The following CAST variants were observed in gnomAD, a reference collection of about 807,000 sequenced individuals.
The protein encoded by CAST is calpastatin.
A neutral mutation model predicts 119.6 loss-of-function variants in CAST; 76 were observed. The observed-to-expected ratio is 0.64, with a 90% CI of 0.53 to 0.77. The LOEUF (loss-of-function observed/expected upper bound fraction) is 0.77, where lower values mean the gene tolerates loss of function less well. Ranked by LOEUF, CAST falls within the 30% of genes least tolerant of loss-of-function variation. The probability of loss-of-function intolerance (pLI) is 0.00; values close to 1 mark genes in which losing one functional copy is unlikely to be tolerated. For synonymous variants in CAST, 319 were observed against 331.6 expected (o/e 0.96, Z 0.41); for missense variants, 953 against 946.5 (o/e 1.01, Z -0.09).
chr5:96,113,127 C>A, the CAST span, among the ~76,000 whole-genome samples: 1 of 152,186 alleles, frequency 6.6e-6, no homozygotes, highest in Non-Finnish European at 1.5e-5. Flanking sequence ...TCTACATTGA[C>A]AGCATGCTTC....
chr5:96,423,588 A>G, the CAST span: 5 of 809,344 alleles, frequency 6.2e-6, no homozygotes, highest in Non-Finnish European at 1.0e-5. Context: ...GAAGAAGCCA[A>G]TTCAGTGAAA....
At chr5:96,045,435 T>C in the CAST span, among the ~76,000 whole-genome samples, 10 of 152,116 alleles carry the variant, frequency 6.6e-5, no homozygotes, top group African/African-American at 2.2e-4. Context: ...TGTATGCATG[T>C]TATACTTAAT....
the CAST span, among the ~76,000 whole-genome samples, chr5:96,281,054 T>G: frequency 6.6e-6 from 1 of 152,236 alleles, no homozygotes; most frequent in Non-Finnish European, 1.5e-5. Context: ...AGTTTAGACC[T>G]CTCTGTCTCT....
At chr5:96,349,533 CTT>C in the CAST span, among the ~76,000 whole-genome samples, 1 of 152,092 alleles carries the variant, frequency 6.6e-6, no homozygotes, top group Non-Finnish European at 1.5e-5. Context: ...ATTAAAAACT[CTT>C]TGGCGTCAGC....
the CAST span, among the ~76,000 whole-genome samples, chr5:95,992,314 TA>T: frequency 3.3e-5 from 5 of 151,872 alleles, no homozygotes; most frequent in African/African-American, 1.2e-4. Flanking sequence ...AGCAAGCATA[TA>T]AAAAAGAAAT....
At chr5:96,126,446 C>T in the CAST span, among the ~76,000 whole-genome samples, 1 of 152,000 alleles carries the variant, frequency 6.6e-6, no homozygotes, top group Non-Finnish European at 1.5e-5. Flanking sequence ...AGTCATTGTT[C>T]CATCTTAGGA....
intron 1 of CAST, among the ~76,000 whole-genome samples, chr5:96,550,338 A>C (rs923041707): frequency 8.5e-5 from 13 of 152,362 alleles, no homozygotes; most frequent in African/African-American, 2.9e-4. Context: ...TGTTAGAAGG[A>C]AAACTAACAA....
intron 1 of CAST, among the ~76,000 whole-genome samples, chr5:96,550,499 C>T (rs763435306): frequency 3.9e-5 from 6 of 152,154 alleles, no homozygotes; most frequent in Non-Finnish European, 8.8e-5. Context: ...AACCAGAACG[C>T]CTCTTCTCCT....
At chr5:96,185,353 T>C in the CAST span, among the ~76,000 whole-genome samples, 65 of 152,330 alleles carry the variant, frequency 4.3e-4, no homozygotes, top group Admixed American at 4.2e-3. Context: ...TTTAGTTGAT[T>C]TGTATCCCAT....
the CAST span, among the ~76,000 whole-genome samples, chr5:95,977,714 C>A: frequency 4.0e-5 from 6 of 151,784 alleles, no homozygotes; most frequent in African/African-American, 1.5e-4. Context: ...AAACTCATGT[C>A]ATGGGGGTTT....
chr5:96,677,062 A>G (rs1750805208), intron 2 of CAST, among the ~76,000 whole-genome samples: 1 of 152,008 alleles, frequency 6.6e-6, no homozygotes, highest in Non-Finnish European at 1.5e-5. Flanking sequence ...AGAAAAGAAA[A>G]GAAAATCCAC....
chr5:96,126,376 ACT>A, the CAST span, among the ~76,000 whole-genome samples: 1 of 151,860 alleles, frequency 6.6e-6, no homozygotes, highest in Non-Finnish European at 1.5e-5. Context: ...CTTTTGAATA[ACT>A]CTTGGGAAAA....
the CAST span, among the ~76,000 whole-genome samples, chr5:95,988,310 T>A: frequency 6.6e-6 from 1 of 152,140 alleles, no homozygotes; most frequent in African/African-American, 2.4e-5. Flanking sequence ...AAGTGGAACA[T>A]TAACTTCTTT....
chr5:96,410,863 G>A, the CAST span: 1 of 1,614,050 alleles, frequency 6.2e-7, no homozygotes. Flanking sequence ...AGGCCTTGCT[G>A]GGAGGCACTG....
Position 96,628,054 on chromosome 5 carries a change from G to A in CAST, c.61-47485G>A, listed in dbSNP as rs866690124. The stretch of plus-strand genomic sequence containing the variant: ...CTCTCTTATACAAACATTTAGAAAG[G>A]AAATACAGTAAATCCTTTTAAATAT... On this transcript the variant is annotated intron_variant, in intron 1 of 11. Transcript: ENST00000505143. Among the ~76,000 whole-genome samples, 4 of 152,296 alleles carry A rather than the reference G, an allele frequency of 2.6e-5. No individual in the cohort carries two copies. In the South Asian group the frequency reaches 6.2e-4, roughly 24 times the overall value.
the CAST span, among the ~76,000 whole-genome samples, chr5:96,291,755 C>G: frequency 6.6e-6 from 1 of 151,882 alleles, no homozygotes; most frequent in East Asian, 1.9e-4. Flanking sequence ...TGCTTTCTCT[C>G]CAGGAGTCAT....
At chr5:96,343,217 C>T in the CAST span, among the ~76,000 whole-genome samples, 2 of 151,816 alleles carry the variant, frequency 1.3e-5, no homozygotes, top group South Asian at 2.1e-4. Flanking sequence ...TTAGGGGGTA[C>T]ACAAGATAAA....
chr5:96,654,735 G>C (rs1397074846), intron 1 of CAST, among the ~76,000 whole-genome samples: 2 of 152,148 alleles, frequency 1.3e-5, no homozygotes, highest in African/African-American at 4.8e-5. Context: ...GGATTTTCAA[G>C]AATATTGCAA....
chr5:96,337,966 CTT>C, the CAST span, among the ~76,000 whole-genome samples: 5 of 151,996 alleles, frequency 3.3e-5, no homozygotes, highest in African/African-American at 4.8e-5. Flanking sequence ...CTAAGGAAAA[CTT>C]TTAATTTTTT....
Sources: allele counts gnomAD v4.1 joint callset (sites outside exome capture counted in the v4.1 genomes callset), GRCh38; gene constraint gnomAD v4.1.1; transcripts MANE v1.5; gene names NCBI Gene and HGNC (gene_info 2026-07-23, HGNC 2026-07-21).